DSN1: variants seen among roughly 807,000 people sequenced by gnomAD.
DSN1 encodes the protein kinetochore-associated protein DSN1 homolog.
In DSN1, 31 loss-of-function variants were observed where a neutral mutation model predicts 45.7. The ratio of observed to expected loss-of-function variants is 0.68; its 90% confidence interval spans 0.51 to 0.92. The LOEUF (loss-of-function observed/expected upper bound fraction) is 0.92, where lower values mean the gene tolerates loss of function less well. Among genes scored for constraint, DSN1 ranks in the 40% least tolerant of loss-of-function variants. The probability of loss-of-function intolerance (pLI) is 0.00; values close to 1 mark genes in which losing one functional copy is unlikely to be tolerated. For synonymous variants in DSN1, 134 were observed against 142.3 expected (o/e 0.94, Z 0.41); for missense variants, 394 against 414.2 (o/e 0.95, Z 0.42).
chr20:36,758,465 C>T (rs1986792700), intron 7 of DSN1, 93 bp downstream of exon 7: 1 of 1,141,560 alleles, frequency 8.8e-7, no homozygotes, highest in African/African-American at 1.6e-5. Flanking sequence ...TGCTGACTCT[C>T]CAAATACAAT....
intron 5 of DSN1, among the ~76,000 whole-genome samples, chr20:36,763,755 C>G (rs1488963468): frequency 6.6e-6 from 1 of 151,386 alleles, no homozygotes; most frequent in African/African-American, 2.4e-5. Context: ...GGCGTGGTTG[C>G]GCATGCCTGT....
chr20:36,759,936 C>T (rs1344827097), intron 6 of DSN1, among the ~76,000 whole-genome samples: 2 of 151,998 alleles, frequency 1.3e-5, no homozygotes, highest in Non-Finnish European at 2.9e-5. Context: ...TTCTTTTTCT[C>T]GTTGCTTAAA....
In DSN1 at chr20:36,766,851, G is replaced by A. The variant is rs367969792; in HGVS notation, c.430-10C>T. 6.3e-7 allele frequency: 1 copy of A among 1,583,756 alleles called. No homozygotes were observed. The highest frequency in any genetic ancestry group is 1.2e-5 in the South Asian group (1 of 85,322). On this transcript the variant is annotated splice_polypyrimidine_tract_variant and intron_variant, in intron 4 of 10. Coordinates refer to ENST00000373750, the MANE Select transcript of DSN1 (RefSeq NM_001145315.2). ...GTTTCTGAATAGAGAACTAAATAAAGAAAAGCATTTTTAGTACAACCACCA... is the reference window on the plus strand; with the variant it reads ...GTTTCTGAATAGAGAACTAAATAAAAAAAAGCATTTTTAGTACAACCACCA...
intron 6 of DSN1, among the ~76,000 whole-genome samples, chr20:36,760,080 C>T (rs1261267476): frequency 1.3e-5 from 2 of 151,350 alleles, no homozygotes; most frequent in Non-Finnish European, 2.9e-5. Flanking sequence ...CCCGTCTCTA[C>T]TAAAAATACA....
rs1312298462 is a variant in DSN1, at chr20:36,755,838, A to T, written c.726-9T>A. ...TGGCCTCAGTTGATCCTCTAAAAACAAAACACAAGAGCTTTTGAGAGATTC... is the reference window on the plus strand; with the variant it reads ...TGGCCTCAGTTGATCCTCTAAAAACTAAACACAAGAGCTTTTGAGAGATTC... On this transcript the variant is annotated splice_polypyrimidine_tract_variant and intron_variant, in intron 8 of 10. Coordinates refer to ENST00000373750, the MANE Select transcript of DSN1 (RefSeq NM_001145315.2). The T allele has an allele frequency of 3.7e-6, 6 of 1,604,138 alleles. No individual in the cohort carries two copies. The highest frequency in any genetic ancestry group is 3.4e-6 in the Non-Finnish European group (4 of 1,177,110).
chr20:36,766,627 T>G lies in DSN1; in HGVS notation c.502+142A>C, dbSNP rs982046043. On this transcript the variant is annotated intron_variant, in intron 5 of 10. Transcript: ENST00000373750. ...CCAAGATCACCCTACTGCACTCCAG[T>G]CTGGGCAAGAGTGAGACTCTGTCTA... The G allele has an allele frequency of 5.5e-6, 4 of 726,090 alleles. No individual in the cohort carries two copies. The African/African-American group carries it at 7.4e-5, about 13-fold the overall frequency. 45.0% of individuals were successfully genotyped at this position (726,090 alleles called of 1,614,324 possible). A position where few individuals can be genotyped will look rare whatever the true frequency, so the allele number is the denominator to read the frequency against.
chr20:36,758,467 AAATAC>A, intron 7 of DSN1, 86 bp downstream of exon 7: 2 of 1,172,290 alleles, frequency 1.7e-6, no homozygotes, highest in Non-Finnish European at 2.4e-6. Context: ...CTGACTCTCC[AAATAC>A]AATGCTTACT....
At chr20:36,770,071 C>T (rs769718322) in intron 3 of DSN1, among the ~76,000 whole-genome samples, 1 of 151,670 alleles carries the variant, frequency 6.6e-6, no homozygotes, top group Admixed American at 6.6e-5. Context: ...GAAAAAGAGA[C>T]AAAGTTTTTT....
At chr20:36,755,579 A>G (rs1478942839) in intron 9 of DSN1, 103 bp downstream of exon 9, 5 of 1,361,080 alleles carry the variant, frequency 3.7e-6, no homozygotes, top group Non-Finnish European at 5.0e-6. Context: ...TTGAATATAC[A>G]TATTCAACTT....
chr20:36,762,407 G>T, intron 6 of DSN1, 54 bp downstream of exon 6: 4 of 1,539,794 alleles, frequency 2.6e-6, no homozygotes, highest in Non-Finnish European at 3.5e-6. Flanking sequence ...ACCAACGCCC[G>T]GCCTAAAGTC....
At chr20:36,769,601 G>A (rs1987524501) in intron 3 of DSN1, among the ~76,000 whole-genome samples, 1 of 152,150 alleles carries the variant, frequency 6.6e-6, no homozygotes, top group Non-Finnish European at 1.5e-5. Flanking sequence ...TTGGAAATAG[G>A]ACGATACCTT....
At chr20:36,755,940 A>G (rs1986649991) in intron 8 of DSN1, 111 bp from the exon 9 acceptor site, 1 of 1,243,762 alleles carries the variant, frequency 8.0e-7, no homozygotes, top group African/African-American at 1.5e-5. Context: ...TACGCTAGCT[A>G]TAGGCTCACT....
intron 8 of DSN1, among the ~76,000 whole-genome samples, chr20:36,756,170 C>T (rs1008061574): frequency 2.0e-5 from 3 of 152,026 alleles, no homozygotes; most frequent in South Asian, 2.1e-4. Flanking sequence ...TTAGTAGAGA[C>T]GAGGTTTCAC....
chr20:36,763,410 GAAAAAAA>G (rs71186016), intron 5 of DSN1, among the ~76,000 whole-genome samples: 80 of 84,102 alleles, frequency 9.5e-4, no homozygotes, highest in South Asian at 1.0e-3. Flanking sequence ...CTCAAAAAAA[GAAAAAAA>G]AAAAAAAAAA....
At chr20:36,767,494 G>A (rs750686656) in intron 4 of DSN1, among the ~76,000 whole-genome samples, 5 of 152,038 alleles carry the variant, frequency 3.3e-5, no homozygotes, top group Non-Finnish European at 5.9e-5. Context: ...GGCTGGGCAC[G>A]GTGGCTCACA....
At chr20:36,769,713 C>CT (rs1483473929) in intron 3 of DSN1, among the ~76,000 whole-genome samples, 1 of 151,966 alleles carries the variant, frequency 6.6e-6, no homozygotes, top group Non-Finnish European at 1.5e-5. Flanking sequence ...TGATGAGGAC[C>CT]TTAAGACAAA....
At chr20:36,772,358 G>A (rs1267759486) in intron 1 of DSN1, among the ~76,000 whole-genome samples, 1 of 151,140 alleles carries the variant, frequency 6.6e-6, no homozygotes, top group East Asian at 2.0e-4. Context: ...GCGCAGTCTC[G>A]GCTCACTGCA....
intron 6 of DSN1, among the ~76,000 whole-genome samples, chr20:36,761,239 T>A (rs1601010085): frequency 6.6e-6 from 1 of 152,152 alleles, no homozygotes; most frequent in East Asian, 1.9e-4. Flanking sequence ...AAGCCCAAGG[T>A]CAAATCATTA....
chr20:36,769,930 C>G (rs1185093146), intron 3 of DSN1, among the ~76,000 whole-genome samples: 1 of 129,298 alleles, frequency 7.7e-6, no homozygotes, highest in Non-Finnish European at 1.7e-5. Flanking sequence ...CACACACACA[C>G]ACACACACAC....
Sources: gnomAD v4.1 joint callset for allele counts (sites outside exome capture counted in the v4.1 genomes callset) on GRCh38, gnomAD v4.1.1 for gene constraint, MANE v1.5 for transcripts, NCBI Gene and HGNC (gene_info 2026-07-23, HGNC 2026-07-21) for gene names.